Variants in MYO16 observed in about 807,000 individuals in gnomAD.
The protein encoded by MYO16 is unconventional myosin-XVI.
A neutral mutation model predicts 205.3 loss-of-function variants in MYO16; 94 were observed. The observed-to-expected ratio is 0.46, with a 90% confidence interval of 0.39 to 0.54. MYO16 has a LOEUF of 0.54. Ranked by LOEUF, MYO16 falls within the 20% of genes least tolerant of loss-of-function variation. The probability of loss-of-function intolerance (pLI) is 0.00; values close to 1 mark genes in which losing one functional copy is unlikely to be tolerated. For missense variants in MYO16, 2,315 were observed against 2,387.5 expected (o/e 0.97, Z 0.63); for synonymous variants, 988 against 954.0 (o/e 1.04, Z -0.66).
chr13:108,811,861 G>C, intron 7 of MYO16, among the ~76,000 whole-genome samples: 1 of 152,190 alleles, frequency 6.6e-6, no homozygotes, highest in South Asian at 2.1e-4. Flanking sequence ...TGTCAATGAC[G>C]AGGCTACAGT....
At chr13:108,812,469 C>T (rs1049029702) in intron 7 of MYO16, among the ~76,000 whole-genome samples, 23 of 151,880 alleles carry the variant, frequency 1.5e-4, no homozygotes, top group African/African-American at 4.8e-5. Context: ...TAGGTGAGTG[C>T]GCACGCCCCT....
intron 15 of MYO16, among the ~76,000 whole-genome samples, chr13:108,908,454 A>G (rs566943130): frequency 6.6e-5 from 10 of 152,342 alleles, no homozygotes; most frequent in Middle Eastern, 6.8e-3. Flanking sequence ...GCTGTAGACA[A>G]TTAAATTGGG....
chr13:108,667,983 G>A (rs1360785317), intron 2 of MYO16, among the ~76,000 whole-genome samples: 1 of 152,112 alleles, frequency 6.6e-6, no homozygotes, highest in Non-Finnish European at 1.5e-5. Flanking sequence ...AGGATATAAT[G>A]AGCCATGATG....
intron 4 of MYO16, among the ~76,000 whole-genome samples, chr13:108,777,913 T>G (rs1045637400): frequency 1.3e-5 from 2 of 152,210 alleles, no homozygotes; most frequent in African/African-American, 4.8e-5. Context: ...ATTCCCATAT[T>G]CTTCAGAGTT....
At chr13:108,794,232 T>C (rs1032779948) in intron 6 of MYO16, among the ~76,000 whole-genome samples, 3 of 152,130 alleles carry the variant, frequency 2.0e-5, no homozygotes, top group African/African-American at 7.2e-5. Flanking sequence ...ACTATGCTTG[T>C]TACCTGCGTA....
intron 4 of MYO16, among the ~76,000 whole-genome samples, chr13:108,747,541 C>T (rs1246481967): frequency 1.3e-5 from 2 of 151,862 alleles, no homozygotes; most frequent in Non-Finnish European, 1.5e-5. Flanking sequence ...GTATAATTGT[C>T]GTGCTAAGAC....
chr13:108,759,188 C>T (rs1056532769), intron 4 of MYO16, among the ~76,000 whole-genome samples: 2 of 151,888 alleles, frequency 1.3e-5, no homozygotes, highest in African/African-American at 4.8e-5. Flanking sequence ...AACATCTAAA[C>T]CTTCTAAAGA....
the MYO16 span, among the ~76,000 whole-genome samples, chr13:108,572,923 G>A: frequency 1.3e-5 from 2 of 152,202 alleles, no homozygotes; most frequent in Non-Finnish European, 1.5e-5. Flanking sequence ...CATGAGGACT[G>A]TGGGTGTCCG....
At chr13:108,903,605 A>G (rs1880820032) in intron 15 of MYO16, among the ~76,000 whole-genome samples, 2 of 152,206 alleles carry the variant, frequency 1.3e-5, no homozygotes, top group African/African-American at 4.8e-5. Flanking sequence ...AATGATTTTC[A>G]GTTTAAGAAT....
intron 34 of MYO16, among the ~76,000 whole-genome samples, chr13:109,190,785 T>A (rs1341053643): frequency 1.3e-5 from 2 of 152,176 alleles, no homozygotes; most frequent in Non-Finnish European, 2.9e-5. Flanking sequence ...CATCCTTACA[T>A]TACCTATCAA....
chr13:108,508,006 CTCTT>C, the MYO16 span, among the ~76,000 whole-genome samples: 1 of 151,438 alleles, frequency 6.6e-6, no homozygotes, highest in Non-Finnish European at 1.5e-5. Flanking sequence ...TAATTCCTAT[CTCTT>C]TGTTAATATT....
chr13:108,771,026 A>G (rs969816486), intron 4 of MYO16, among the ~76,000 whole-genome samples: 4 of 152,232 alleles, frequency 2.6e-5, no homozygotes, highest in Non-Finnish European at 5.9e-5. Context: ...TGTTATTAAC[A>G]TAAAAGCTTG....
intron 28 of MYO16, among the ~76,000 whole-genome samples, 163 bp from the exon 29 acceptor site, chr13:109,120,207 T>C (rs1875924914): frequency 6.6e-6 from 1 of 152,234 alleles, no homozygotes; most frequent in Non-Finnish European, 1.5e-5. Context: ...CTTTGGGATT[T>C]TGATTAAATG....
chr13:108,971,126 C>G (rs1430397029), intron 20 of MYO16, among the ~76,000 whole-genome samples: 3 of 152,038 alleles, frequency 2.0e-5, no homozygotes, highest in African/African-American at 4.8e-5. Context: ...TAACGCAGCA[C>G]TTACATCCCC....
At chr13:108,788,402 G>A (rs949869440) in intron 5 of MYO16, among the ~76,000 whole-genome samples, 3 of 152,132 alleles carry the variant, frequency 2.0e-5, no homozygotes, top group African/African-American at 7.2e-5. Flanking sequence ...GAACCAGCTG[G>A]CATGCAAGGA....
intron 5 of MYO16, among the ~76,000 whole-genome samples, chr13:108,786,582 T>G (rs1347196297): frequency 6.6e-6 from 1 of 152,214 alleles, no homozygotes; most frequent in Non-Finnish European, 1.5e-5. Context: ...TCTGCCTCAT[T>G]GTTCCCTTGT....
At chr13:108,888,807 C>T (rs537046570) in intron 14 of MYO16, among the ~76,000 whole-genome samples, 1 of 152,222 alleles carries the variant, frequency 6.6e-6, no homozygotes, top group South Asian at 2.1e-4. Context: ...ATAATCCCAG[C>T]ACTCTGGGAG....
At chr13:109,201,503 A>C (rs1251127236) in intron 34 of MYO16, 1 of 151,628 alleles carries the variant, frequency 6.6e-6, no homozygotes, top group East Asian at 1.9e-4. Flanking sequence ...AAAAAAAAAA[A>C]AAAAAAAAAT....
chr13:109,195,813 G>T (rs1240429705), intron 34 of MYO16, among the ~76,000 whole-genome samples: 1 of 151,872 alleles, frequency 6.6e-6, no homozygotes, highest in Non-Finnish European at 1.5e-5. Context: ...GTTAAAAATC[G>T]GTAGCAAATT....
Sources: allele counts gnomAD v4.1 joint callset (sites outside exome capture counted in the v4.1 genomes callset), GRCh38; gene constraint gnomAD v4.1.1; transcripts MANE v1.5; gene names NCBI Gene and HGNC (gene_info 2026-07-23, HGNC 2026-07-21).